FGF13: variants seen among roughly 807,000 people sequenced by gnomAD.
The protein encoded by FGF13 is fibroblast growth factor homologous factor 2.
Under a neutral mutation model 19.5 loss-of-function variants are expected in FGF13, and 2 were observed. The ratio of observed to expected loss-of-function variants is 0.10; its 90% CI spans 0.04 to 0.32. The LOEUF is 0.32. Ranked by LOEUF, FGF13 falls within the 10% of genes least tolerant of loss-of-function variation. The probability of loss-of-function intolerance (pLI) is 1.00; values close to 1 mark genes in which losing one functional copy is unlikely to be tolerated. For synonymous variants in FGF13, 72 were observed against 76.9 expected, an observed-to-expected ratio of 0.94 and a Z score of 0.33; for missense variants, 113 against 192.7, an observed-to-expected ratio of 0.59 and a Z score of 2.45.
At chrX:138,984,242 T>C (rs574540758) in intron 1 of FGF13, among the ~76,000 whole-genome samples, 1 of 109,488 alleles carries the variant, frequency 9.1e-6, no homozygotes, top group East Asian at 2.9e-4. Flanking sequence ...ACCTCATCTT[T>C]ACTAAAAATA....
rs1240258228 is a variant in FGF13, at chrX:139,015,839, T to A, written c.-112-151189A>T. ...CAGAGCTATAGTAATCAAAACAGCATGGTACTGGCATAAAAACAGAAACAT... is the reference window on the plus strand; with the variant it reads ...CAGAGCTATAGTAATCAAAACAGCAAGGTACTGGCATAAAAACAGAAACAT... On this transcript the variant is annotated intron_variant, in intron 1 of 2. Coordinates refer to the FGF13 transcript ENST00000421460. Among the ~76,000 whole-genome samples, 22 of 111,946 alleles carry A rather than the reference T, an allele frequency of 2.0e-4. No individual in the cohort carries two copies. The Admixed American group carries it at 2.1e-3, about 11-fold the overall frequency.
intron 1 of FGF13, among the ~76,000 whole-genome samples, chrX:139,071,100 C>G (rs1423752774): frequency 9.0e-6 from 1 of 111,176 alleles, no homozygotes; most frequent in African/African-American, 3.3e-5. Flanking sequence ...GCTCATTCTG[C>G]ACATGTACCC....
chrX:138,966,870 G>T (rs2091897136), intron 1 of FGF13, among the ~76,000 whole-genome samples: 2 of 110,995 alleles, frequency 1.8e-5, no homozygotes. Context: ...ATGGGGGGTG[G>T]TTTCCCCCAT....
chrX:139,021,312 T>C (rs1407115871), intron 1 of FGF13, among the ~76,000 whole-genome samples: 1 of 110,953 alleles, frequency 9.0e-6, no homozygotes, highest in Non-Finnish European at 1.9e-5. Flanking sequence ...TTTTATCTTT[T>C]ATCAATTTTA....
At chrX:139,050,539 T>TA (rs2092300846) in intron 1 of FGF13, among the ~76,000 whole-genome samples, 1 of 111,768 alleles carries the variant, frequency 8.9e-6, no homozygotes. Flanking sequence ...AAGAGGCTGA[T>TA]AAAAATGGAT....
intron 3 of FGF13, among the ~76,000 whole-genome samples, chrX:138,827,559 C>T (rs2091042269): frequency 1.8e-5 from 2 of 110,976 alleles, no homozygotes; most frequent in South Asian, 7.7e-4. Context: ...GCAATTTTAA[C>T]AATAGTTAGA....
chrX:138,767,669 G>C (rs1282945705), intron 3 of FGF13, among the ~76,000 whole-genome samples: 1 of 112,068 alleles, frequency 8.9e-6, no homozygotes, highest in Non-Finnish European at 1.9e-5. Flanking sequence ...GTGAAGCTAT[G>C]GAGTGTTTCA....
At chrX:138,911,342 C>T (rs2091586592) in intron 1 of FGF13, among the ~76,000 whole-genome samples, 1 of 110,281 alleles carries the variant, frequency 9.1e-6, no homozygotes, top group Non-Finnish European at 1.9e-5. Flanking sequence ...GGCCATCATC[C>T]CTAGCAAACT....
intron 1 of FGF13, among the ~76,000 whole-genome samples, chrX:139,140,883 T>C (rs934321812): frequency 9.0e-6 from 1 of 110,601 alleles, no homozygotes; most frequent in African/African-American, 3.3e-5. Flanking sequence ...TTGGCCTTGT[T>C]GCTGGGCCTT....
intron 1 of FGF13, among the ~76,000 whole-genome samples, chrX:139,189,604 C>T (rs2084308691): frequency 9.0e-6 from 1 of 111,668 alleles, no homozygotes; most frequent in Admixed American, 9.5e-5. Context: ...AACTATAGTT[C>T]CACTTATACA....
At chrX:138,772,508 T>C (rs2090554904) in intron 3 of FGF13, among the ~76,000 whole-genome samples, 1 of 111,397 alleles carries the variant, frequency 9.0e-6, no homozygotes, top group Admixed American at 9.6e-5. Context: ...GCCATTTGTC[T>C]TCATTCCTTA....
intron 3 of FGF13, among the ~76,000 whole-genome samples, chrX:138,782,610 T>C (rs776014242): frequency 0.024 from 2,315 of 96,421 alleles, 68 homozygotes; most frequent in African/African-American, 0.07. Flanking sequence ...TTACAAGGGA[T>C]GTGAAGGACC....
chrX:139,160,107 AAATGC>A (rs1320324038), intron 1 of FGF13, among the ~76,000 whole-genome samples: 3 of 111,988 alleles, frequency 2.7e-5, no homozygotes, highest in Non-Finnish European at 5.6e-5. Flanking sequence ...ACTCCTCAGC[AAATGC>A]AAAAGAATGG....
At chrX:138,688,238 C>T (rs1032009343) in intron 3 of FGF13, among the ~76,000 whole-genome samples, 1 of 110,170 alleles carries the variant, frequency 9.1e-6, no homozygotes, top group African/African-American at 3.3e-5. Context: ...GCTGGGATTA[C>T]AGGCATGAGC....
intron 1 of FGF13, among the ~76,000 whole-genome samples, chrX:138,872,841 A>G (rs1047480312): frequency 9.0e-6 from 1 of 110,623 alleles, no homozygotes; most frequent in Non-Finnish European, 1.9e-5. Flanking sequence ...GAAAGCATTC[A>G]TTCTTCTCTG....
intron 1 of FGF13, among the ~76,000 whole-genome samples, chrX:138,889,074 G>A (rs1319313814): frequency 1.8e-5 from 2 of 111,900 alleles, no homozygotes; most frequent in Non-Finnish European, 3.8e-5. Context: ...CAGAAAGACA[G>A]GCGAAAACAA....
chrX:139,037,838 G>C (rs1051373543), intron 1 of FGF13, among the ~76,000 whole-genome samples: 3 of 111,983 alleles, frequency 2.7e-5, no homozygotes, highest in Non-Finnish European at 3.8e-5. Flanking sequence ...GGACATCTTC[G>C]GGGAAGGCAT....
intron 4 of FGF13, among the ~76,000 whole-genome samples, chrX:138,634,049 A>G (rs2089153141): frequency 8.9e-6 from 1 of 111,748 alleles, no homozygotes; most frequent in African/African-American, 3.3e-5. Flanking sequence ...TCCATAGCCT[A>G]TTCTTGTCCC....
upstream of FGF13, chrX:138,716,181 G>A (rs2090099684): frequency 8.9e-6 from 1 of 112,035 alleles, no homozygotes; most frequent in Admixed American, 9.4e-5. Context: ...TATCTGAGTG[G>A]GAAGTTACCT....
Sources: allele counts gnomAD v4.1 joint callset (sites outside exome capture counted in the v4.1 genomes callset), GRCh38; gene constraint gnomAD v4.1.1; transcripts MANE v1.5; gene names NCBI Gene and HGNC (gene_info 2026-07-23, HGNC 2026-07-21).